ANXA13: variants seen among roughly 807,000 people sequenced by gnomAD.
ANXA13 encodes annexin A13, also known as annexin XIII.
ANXA13 carries 36 observed loss-of-function variants against 46.6 expected under a neutral mutation model. That is an observed-to-expected ratio of 0.77 (90% CI 0.59 to 1.02). The LOEUF (loss-of-function observed/expected upper bound fraction) is 1.02. Among genes scored for constraint, ANXA13 ranks in the 50% least tolerant of loss-of-function variants. The pLI, the probability that ANXA13 is intolerant of heterozygous loss-of-function variation, is 0.00. For synonymous variants in ANXA13, 163 were observed against 152.9 expected, an observed-to-expected ratio of 1.07 and a Z score of -0.49; for missense variants, 417 against 396.5, an observed-to-expected ratio of 1.05 and a Z score of -0.44.
chr8:123,711,996 A>T (rs1813668558), intron 2 of ANXA13: 1 of 152,960 alleles, frequency 6.5e-6, no homozygotes, highest in Non-Finnish European at 1.5e-5. Context: ...GGAAGGGATC[A>T]GAGGGGTTTA....
At chr8:123,696,866 G>T (rs3824249) in intron 4 of ANXA13, among the ~76,000 whole-genome samples, 4 of 152,048 alleles carry the variant, frequency 2.6e-5, no homozygotes, top group Admixed American at 6.5e-5. Flanking sequence ...AAAGAAACTA[G>T]GCTGAGGGAG....
chr8:123,709,403 TTCTC>T (rs1005965161), intron 2 of ANXA13, among the ~76,000 whole-genome samples: 54 of 151,222 alleles, frequency 3.6e-4, no homozygotes, highest in African/African-American at 1.3e-3. Context: ...TCCCTCTCTC[TTCTC>T]TCTTTCTCTT....
chr8:123,712,665 A>C lies in ANXA13; in HGVS notation c.91+13T>G. ...ACTTCAGAAGCAAATTAGCAACAAA[A>C]TATCTCTCATACCCATTCCTTTGCA... On this transcript the variant is annotated intron_variant, in intron 2 of 10. Coordinates refer to ENST00000419625, the MANE Select transcript of ANXA13 (RefSeq NM_004306.4). The C allele has an allele frequency of 6.2e-7, 1 of 1,613,626 alleles. No homozygotes were observed. Among genetic ancestry groups the C allele is most frequent in the Non-Finnish European group, 8.5e-7 (1 of 1,179,514 alleles).
intron 1 of ANXA13, chr8:123,729,373 T>C (rs1427835152): frequency 6.6e-6 from 1 of 152,196 alleles, no homozygotes; most frequent in African/African-American, 2.4e-5. Flanking sequence ...GAGAAGATGA[T>C]TTGTTCAGCC....
At chr8:123,736,810 G>C (rs1814276478) in intron 1 of ANXA13, among the ~76,000 whole-genome samples, 1 of 144,960 alleles carries the variant, frequency 6.9e-6, no homozygotes, top group African/African-American at 2.5e-5. Context: ...CCTCTTAAGA[G>C]ATTTTTGGCC....
chr8:123,716,541 G>A (rs1431607623), intron 1 of ANXA13, among the ~76,000 whole-genome samples: 2 of 152,088 alleles, frequency 1.3e-5, no homozygotes, highest in African/African-American at 4.8e-5. Flanking sequence ...GTAACAGCAG[G>A]ATATTTGATG....
At chr8:123,704,457 G>C (rs182907715) in intron 2 of ANXA13, among the ~76,000 whole-genome samples, 1 of 151,402 alleles carries the variant, frequency 6.6e-6, no homozygotes. Flanking sequence ...AGGCTAGAGC[G>C]CAGTGGCATG....
chr8:123,712,646 G>A, intron 2 of ANXA13, 32 bp downstream of exon 2: 1 of 1,603,938 alleles, frequency 6.2e-7, no homozygotes, highest in Non-Finnish European at 8.5e-7. Context: ...ATCAACTTCA[G>A]AAGCAAATTA....
chr8:123,704,272 C>G (rs2129874352), intron 2 of ANXA13, among the ~76,000 whole-genome samples: 1 of 152,240 alleles, frequency 6.6e-6, no homozygotes, highest in South Asian at 2.1e-4. Context: ...ATCTCTGGAG[C>G]TGGAGGAAAT....
chr8:123,698,468 C>G lies in ANXA13; in HGVS notation c.278G>C (p.Arg93Pro), dbSNP rs1034175757. ...ACCCTTCATAGCCTTCTGCAGCTGCCGGGCGGCGTACTCGCTGGGACGGTC... is the reference window on the plus strand; with the variant it reads ...ACCCTTCATAGCCTTCTGCAGCTGCGGGGCGGCGTACTCGCTGGGACGGTC... ...LLDRPSEYAA[R>P]QLQKAMKGLG... Residue 93 changes from arginine (R) to proline (P), a missense_variant, in exon 4 of 11, where the codon CGG becomes CCG. Arg to Pro is a moderately radical substitution (Grantham distance 103, BLOSUM62 -2). Coordinates refer to ENST00000419625, the MANE Select transcript of ANXA13 (RefSeq NM_004306.4). 1 of 1,614,176 alleles carries G rather than the reference C, an allele frequency of 6.2e-7. No homozygotes were observed. Among genetic ancestry groups the G allele is most frequent in the Non-Finnish European group, 8.5e-7 (1 of 1,180,032 alleles).
At chr8:123,735,794 G>C in intron 1 of ANXA13, 1 of 1,612,720 alleles carries the variant, frequency 6.2e-7, no homozygotes, top group South Asian at 1.1e-5. Flanking sequence ...GTGATGGGTG[G>C]CTGAGAGGCT....
chr8:123,732,691 A>G (rs1474054652), intron 1 of ANXA13, among the ~76,000 whole-genome samples: 1 of 145,970 alleles, frequency 6.9e-6, no homozygotes, highest in Non-Finnish European at 1.5e-5. Flanking sequence ...TTTTGCATCC[A>G]CCATAGACAA....
At chr8:123,682,465 C>T (rs1254643929) in intron 10 of ANXA13, among the ~76,000 whole-genome samples, 1 of 152,162 alleles carries the variant, frequency 6.6e-6, no homozygotes, top group Non-Finnish European at 1.5e-5. Flanking sequence ...TAGACCCTAC[C>T]TTGTACTCCA....
At chr8:123,712,459 A>T in intron 2 of ANXA13, 1 of 576,732 alleles carries the variant, frequency 1.7e-6, no homozygotes, top group South Asian at 2.1e-5. Flanking sequence ...ACGTCACAAT[A>T]TCCAACTCCT....
In ANXA13 at chr8:123,737,388, A is replaced by G. The variant is rs1157464936; in HGVS notation, c.-54T>C. 3.4e-6 allele frequency: 5 copies of G among 1,479,790 alleles called. No homozygotes were observed. The African/African-American group carries it at 6.2e-5, about 18-fold the overall frequency. 91.7% of individuals were successfully genotyped at this position (1,479,790 alleles called of 1,614,324 possible). Reference sequence around the variant, plus strand: ...ATTTCATCAAGAGATCAGTCCTCCTACAGGCAAAGTTTACAACAGTTTTCC... The same window carrying G: ...ATTTCATCAAGAGATCAGTCCTCCTGCAGGCAAAGTTTACAACAGTTTTCC... On this transcript the variant is annotated 5_prime_UTR_variant, in exon 1 of 11. Transcript: ENST00000419625.
intron 8 of ANXA13, among the ~76,000 whole-genome samples, chr8:123,692,948 T>C (rs1342501377): frequency 5.3e-5 from 8 of 152,158 alleles, no homozygotes; most frequent in Admixed American, 6.5e-5. Flanking sequence ...GGCTGTCCTG[T>C]GCACTGCAGG....
At chr8:123,714,854 A>G (rs1813732496) in intron 1 of ANXA13, among the ~76,000 whole-genome samples, 1 of 152,196 alleles carries the variant, frequency 6.6e-6, no homozygotes, top group South Asian at 2.1e-4. Context: ...AGTGGGCATT[A>G]CTAGTCTGCC....
chr8:123,715,902 A>G (rs1329411729), intron 1 of ANXA13, among the ~76,000 whole-genome samples: 2 of 152,114 alleles, frequency 1.3e-5, no homozygotes, highest in African/African-American at 4.8e-5. Flanking sequence ...CAAATATCAC[A>G]GAGTTGTAGG....
intron 1 of ANXA13, among the ~76,000 whole-genome samples, chr8:123,713,476 G>T (rs1813700802): frequency 6.6e-6 from 1 of 152,078 alleles, no homozygotes; most frequent in Admixed American, 6.5e-5. Flanking sequence ...TTTACTTAAA[G>T]TTATCTTAAA....
Sources: allele counts gnomAD v4.1 joint callset (sites outside exome capture counted in the v4.1 genomes callset), GRCh38; gene constraint gnomAD v4.1.1; transcripts MANE v1.5; gene names NCBI Gene and HGNC (gene_info 2026-07-23, HGNC 2026-07-21).